Variants in RELB observed in about 807,000 individuals in gnomAD.
RELB encodes transcription factor RelB.
In RELB, 14 loss-of-function variants were observed where a neutral mutation model predicts 55.4. The ratio of observed to expected loss-of-function variants is 0.25; its 90% confidence interval spans 0.17 to 0.40. The LOEUF is 0.40. Among genes scored for constraint, RELB ranks in the 10% least tolerant of loss-of-function variants. The pLI is 1.00. For missense variants in RELB, 669 were observed against 830.7 expected (o/e 0.81, Z 2.39); for synonymous variants, 409 against 371.3 (o/e 1.10, Z -1.17).
chr19:45,017,098 C>T (rs1194643871), intron 4 of RELB, among the ~76,000 whole-genome samples: 1 of 152,070 alleles, frequency 6.6e-6, no homozygotes, highest in Non-Finnish European at 1.5e-5. Context: ...TCCCATTTTT[C>T]CCCTAGGGGG....
chr19:45,021,173 C>A (rs1030722412), intron 4 of RELB, among the ~76,000 whole-genome samples: 1 of 151,418 alleles, frequency 6.6e-6, no homozygotes, highest in Admixed American at 6.6e-5. Flanking sequence ...GAGACCCTGT[C>A]ACAAAAAAAT....
Position 45,032,602 on chromosome 19 carries a change from C to T in RELB, c.1060C>T (p.His354Tyr). The change falls in exon 9 of 12, where the codon CAC (histidine) becomes TAC (tyrosine). Residue 354 changes from histidine to tyrosine, a missense_variant. Physicochemically the swap from His to Tyr is moderately conservative, Grantham distance 83 (BLOSUM62 2). Transcript: ENST00000221452. ...GGCTGACTTCTCCCAGGCCGACGTGCACCGCCAGATTGCCATTGTGTTCAA... is the reference window on the plus strand; with the variant it reads ...GGCTGACTTCTCCCAGGCCGACGTGTACCGCCAGATTGCCATTGTGTTCAA... ...GRADFSQADV[H>Y]RQIAIVFKTP... 4 of 1,613,562 alleles carry T rather than the reference C, an allele frequency of 2.5e-6. No homozygotes were observed. The highest frequency in any genetic ancestry group is 3.4e-6 in the Non-Finnish European group (4 of 1,179,784).
chr19:45,013,068 T>C (rs1971382321), intron 4 of RELB, among the ~76,000 whole-genome samples: 1 of 151,110 alleles, frequency 6.6e-6, no homozygotes, highest in Non-Finnish European at 1.5e-5. Flanking sequence ...AACAAACAAA[T>C]ATATATAACA....
intron 2 of RELB, among the ~76,000 whole-genome samples, 166 bp downstream of exon 2, chr19:45,003,162 C>T (rs1306800335): frequency 1.3e-5 from 2 of 152,228 alleles, no homozygotes; most frequent in South Asian, 2.1e-4. Context: ...GTTTTCTTAC[C>T]TCTTGGACTG....
At chr19:45,019,987 G>A (rs532721114) in intron 4 of RELB, among the ~76,000 whole-genome samples, 1 of 151,622 alleles carries the variant, frequency 6.6e-6, no homozygotes, top group South Asian at 2.1e-4. Context: ...TCAAACTCCC[G>A]ACCTCAGGTG....
intron 7 of RELB, among the ~76,000 whole-genome samples, chr19:45,026,174 G>A: frequency 6.6e-6 from 1 of 152,044 alleles, no homozygotes; most frequent in East Asian, 1.9e-4. Flanking sequence ...CCCGGGAGGC[G>A]GAGGTTGCAG....
In RELB at chr19:45,028,837, T is replaced by G. The variant is rs900841530; in HGVS notation, c.887-51T>G. ...GGGTGCCCAGTAAGGCTTTGGTGAC[T>G]GAATTCTCGGGATTTTTTTTAATAC... On this transcript the variant is annotated intron_variant, in intron 7 of 11. Transcript: ENST00000221452. 4.0e-6 allele frequency: 6 copies of G among 1,488,932 alleles called. No individual in the cohort carries two copies. The African/African-American group carries it at 8.4e-5, about 21-fold the overall frequency. 92.2% of individuals were successfully genotyped at this position (1,488,932 alleles called of 1,614,324 possible).
At chr19:45,015,161 C>T (rs1377632534) in intron 4 of RELB, among the ~76,000 whole-genome samples, 1 of 152,064 alleles carries the variant, frequency 6.6e-6, no homozygotes, top group Non-Finnish European at 1.5e-5. Context: ...CCTCGGCCTC[C>T]CAAAGTGCTG....
At chr19:45,032,037 A>G (rs955552491) in intron 8 of RELB, among the ~76,000 whole-genome samples, 1 of 151,042 alleles carries the variant, frequency 6.6e-6, no homozygotes, top group Non-Finnish European at 1.5e-5. Flanking sequence ...GGAGAGCGAG[A>G]CCATCCTGGC....
intron 4 of RELB, among the ~76,000 whole-genome samples, chr19:45,013,491 C>T (rs34531767): frequency 0.022 from 3,315 of 152,128 alleles, 125 homozygotes; most frequent in African/African-American, 0.073. Flanking sequence ...CTTTGTGTTT[C>T]GTGAGTTGAA....
intron 7 of RELB, among the ~76,000 whole-genome samples, chr19:45,028,583 C>G (rs2122476720): frequency 6.6e-6 from 1 of 152,260 alleles, no homozygotes; most frequent in Middle Eastern, 3.4e-3. Flanking sequence ...ATCCACCTGC[C>G]TCGGCCTCCC....
intron 11 of RELB, among the ~76,000 whole-genome samples, chr19:45,035,884 C>T (rs980911854): frequency 6.6e-6 from 1 of 152,202 alleles, no homozygotes; most frequent in Non-Finnish European, 1.5e-5. Flanking sequence ...CTGGTGACTG[C>T]ATGATCATCG....
At chr19:45,022,006 G>A (rs771911144) in intron 4 of RELB, 47 bp from the exon 5 acceptor site, 18 of 1,552,318 alleles carry the variant, frequency 1.2e-5, no homozygotes, top group Admixed American at 7.3e-5. Context: ...TTGGATGGAC[G>A]CAGGCATCGG....
rs575773201 is a variant in RELB, at chr19:45,007,627, G to T, written c.155-2187G>T. ...AATCCCAGCACTTTGGGAGGCTGGGGTGGGTGGGTCACTTGAGGCCAGGAG... is the reference window on the plus strand; with the variant it reads ...AATCCCAGCACTTTGGGAGGCTGGGTTGGGTGGGTCACTTGAGGCCAGGAG... On this transcript the variant is annotated intron_variant, in intron 2 of 11. Transcript: ENST00000221452. Among the ~76,000 whole-genome samples the T allele has an allele frequency of 2.6e-5, 4 of 152,218 alleles. No homozygotes were observed. The South Asian group carries it at 8.3e-4, about 32-fold the overall frequency.
chr19:45,025,057 C>T (rs1971540883), intron 5 of RELB, among the ~76,000 whole-genome samples: 1 of 152,044 alleles, frequency 6.6e-6, no homozygotes, highest in African/African-American at 2.4e-5. Flanking sequence ...CAGGGTTTCA[C>T]CATGTTGGCC....
chr19:45,016,086 G>A (rs996517797), intron 4 of RELB, among the ~76,000 whole-genome samples: 1 of 151,966 alleles, frequency 6.6e-6, no homozygotes, highest in Non-Finnish European at 1.5e-5. Flanking sequence ...CTGAGTTCAA[G>A]TGATTCTCCT....
intron 2 of RELB, among the ~76,000 whole-genome samples, chr19:45,006,622 T>A (rs1163373585): frequency 6.6e-6 from 1 of 151,734 alleles, no homozygotes; most frequent in Non-Finnish European, 1.5e-5. Context: ...CAGGTATGAG[T>A]CAGTGTAATG....
chr19:45,035,454 G>T (rs939237314), intron 11 of RELB, among the ~76,000 whole-genome samples: 1 of 152,022 alleles, frequency 6.6e-6, no homozygotes, highest in Non-Finnish European at 1.5e-5. Context: ...GGAGGTGAAG[G>T]TTGCAGTGAG....
At chr19:45,018,676 T>A (rs1258492692) in intron 4 of RELB, among the ~76,000 whole-genome samples, 3 of 151,748 alleles carry the variant, frequency 2.0e-5, no homozygotes, top group East Asian at 1.9e-4. Flanking sequence ...ATTTATTTAT[T>A]TTTTTTTAAT....
Sources: allele counts gnomAD v4.1 joint callset (sites outside exome capture counted in the v4.1 genomes callset), GRCh38; gene constraint gnomAD v4.1.1; transcripts MANE v1.5; gene names NCBI Gene and HGNC (gene_info 2026-07-23, HGNC 2026-07-21).